AGBL4: variants seen among roughly 807,000 people sequenced by gnomAD.
AGBL4 encodes the protein cytosolic carboxypeptidase 6.
AGBL4 carries 58 observed loss-of-function variants against 66.4 expected under a neutral mutation model. That is an observed-to-expected ratio of 0.87 (90% confidence interval 0.71 to 1.09). The LOEUF is 1.09. AGBL4 is among the 50% of genes least tolerant of loss of function. The pLI is 0.00. For missense variants in AGBL4, 579 were observed against 631.0 expected (o/e 0.92, Z 0.88); for synonymous variants, 234 against 222.9 (o/e 1.05, Z -0.44).
At chr1:49,367,950 C>G (rs1352092855) in intron 3 of AGBL4, among the ~76,000 whole-genome samples, 1 of 152,102 alleles carries the variant, frequency 6.6e-6, no homozygotes, top group Non-Finnish European at 1.5e-5. Flanking sequence ...CATTGGCAAC[C>G]ACTAATCTGC....
At chr1:49,238,854 A>C (rs1328356781) in intron 4 of AGBL4, among the ~76,000 whole-genome samples, 1 of 152,092 alleles carries the variant, frequency 6.6e-6, no homozygotes, top group African/African-American at 2.4e-5. Context: ...TCCAATAACT[A>C]TTTTGGCATA....
Position 49,739,217 on chromosome 1 carries a change from G to A in AGBL4, c.158-41780C>T, listed in dbSNP as rs910204010. Among the ~76,000 whole-genome samples, 15 of 152,330 alleles carry A rather than the reference G, an allele frequency of 9.8e-5. 1 individual carries two copies. Among genetic ancestry groups the A allele is most frequent in the African/African-American group, 3.6e-4 (15 of 41,580 alleles). ...ATACAGAGAAGTCCTTAAAGGACCT[G>A]ATGGAGCTGAAAACCATGGCACGAG... is the stretch of plus-strand genomic sequence containing the variant. On this transcript the variant is annotated intron_variant, in intron 2 of 13. Coordinates refer to ENST00000371839, the MANE Select transcript of AGBL4 (RefSeq NM_032785.4).
intron 5 of AGBL4, among the ~76,000 whole-genome samples, chr1:48,963,674 C>T (rs961805287): frequency 1.3e-5 from 2 of 152,000 alleles, no homozygotes; most frequent in Admixed American, 6.6e-5. Context: ...TAAATGACCT[C>T]ACAGCATCCC....
intron 1 of AGBL4, among the ~76,000 whole-genome samples, chr1:49,878,466 A>G (rs373609592): frequency 2.0e-5 from 3 of 151,826 alleles, no homozygotes; most frequent in East Asian, 1.9e-4. Context: ...GTAGTTGAGC[A>G]GCTTTGAGTG....
At chr1:49,240,551 CTTTTTTT>C (rs34162300) in intron 4 of AGBL4, among the ~76,000 whole-genome samples, 4 of 123,716 alleles carry the variant, frequency 3.2e-5, no homozygotes, top group South Asian at 2.7e-4. Flanking sequence ...ACTGCATTTT[CTTTTTTT>C]TTTTTTTTTT....
intron 3 of AGBL4, among the ~76,000 whole-genome samples, chr1:49,478,140 G>C (rs1646882967): frequency 6.6e-6 from 1 of 151,882 alleles, no homozygotes; most frequent in Non-Finnish European, 1.5e-5. Flanking sequence ...AAAAGATAGA[G>C]TTACAAAGTT....
intron 3 of AGBL4, among the ~76,000 whole-genome samples, chr1:49,503,647 G>C (rs1648404388): frequency 6.6e-6 from 1 of 152,194 alleles, no homozygotes; most frequent in Admixed American, 6.5e-5. Flanking sequence ...CTGGATGTGA[G>C]ACATGGAGTC....
At chr1:48,962,237 T>A (rs1658061564) in intron 5 of AGBL4, among the ~76,000 whole-genome samples, 1 of 152,228 alleles carries the variant, frequency 6.6e-6, no homozygotes, top group Non-Finnish European at 1.5e-5. Flanking sequence ...TGTTGGCACA[T>A]TACTTCTTTT....
intron 2 of AGBL4, among the ~76,000 whole-genome samples, chr1:49,734,144 T>C (rs1299199074): frequency 6.6e-6 from 1 of 152,020 alleles, no homozygotes. Context: ...CCTCAAACTG[T>C]ATATGTGGGC....
At chr1:49,491,381 G>GA (rs1156936953) in intron 3 of AGBL4, among the ~76,000 whole-genome samples, 1 of 151,716 alleles carries the variant, frequency 6.6e-6, no homozygotes, top group Admixed American at 6.6e-5. Flanking sequence ...GTACTAGGGA[G>GA]AAAATAAGAG....
intron 3 of AGBL4, among the ~76,000 whole-genome samples, chr1:49,251,523 AC>A (rs1652058275): frequency 6.6e-6 from 1 of 152,210 alleles, no homozygotes; most frequent in Non-Finnish European, 1.5e-5. Context: ...CAGAGAAGGC[AC>A]CCAGACCTGT....
At chr1:49,873,475 G>C (rs981439163) in intron 1 of AGBL4, among the ~76,000 whole-genome samples, 1 of 151,956 alleles carries the variant, frequency 6.6e-6, no homozygotes, top group Non-Finnish European at 1.5e-5. Flanking sequence ...GCTGAAAACC[G>C]AGTCATGCAA....
intron 5 of AGBL4, among the ~76,000 whole-genome samples, chr1:48,888,702 T>G (rs1650614927): frequency 6.6e-6 from 1 of 152,308 alleles, no homozygotes; most frequent in Non-Finnish European, 1.5e-5. Context: ...CAGGGTCAGT[T>G]AGTTCTTTAT....
At chr1:48,642,384 G>A (rs1645771648) in intron 8 of AGBL4, among the ~76,000 whole-genome samples, 1 of 152,252 alleles carries the variant, frequency 6.6e-6, no homozygotes, top group South Asian at 2.1e-4. Context: ...AGGCTTTAGA[G>A]TGCCTTCTCC....
intron 3 of AGBL4, among the ~76,000 whole-genome samples, chr1:49,600,232 T>C (rs1395130707): frequency 6.6e-6 from 1 of 152,188 alleles, no homozygotes; most frequent in Non-Finnish European, 1.5e-5. Context: ...CCCACTATTA[T>C]TGTGTGGGTG....
At chr1:48,717,189 A>T (rs538814782) in intron 6 of AGBL4, among the ~76,000 whole-genome samples, 32 of 151,954 alleles carry the variant, frequency 2.1e-4, no homozygotes, top group African/African-American at 7.7e-4. Flanking sequence ...TTTTTGGTTT[A>T]TTTGTCTTAA....
intron 3 of AGBL4, among the ~76,000 whole-genome samples, chr1:49,347,387 G>C (rs1333863158): frequency 1.3e-5 from 2 of 151,550 alleles, no homozygotes; most frequent in African/African-American, 4.8e-5. Flanking sequence ...CAGTAGCTGG[G>C]ACTACAGGTG....
intron 1 of AGBL4, among the ~76,000 whole-genome samples, chr1:50,011,635 T>C (rs1034244279): frequency 6.6e-6 from 1 of 152,162 alleles, no homozygotes; most frequent in Non-Finnish European, 1.5e-5. Context: ...ACAACCAAAG[T>C]GTCCAACAAC....
chr1:49,459,700 C>G (rs543520777), intron 3 of AGBL4, among the ~76,000 whole-genome samples: 1 of 151,554 alleles, frequency 6.6e-6, no homozygotes, highest in South Asian at 2.1e-4. Flanking sequence ...CTTCTGCTGG[C>G]TTTGGGTTTG....
Sources: gnomAD v4.1 joint callset for allele counts (sites outside exome capture counted in the v4.1 genomes callset) on GRCh38, gnomAD v4.1.1 for gene constraint, MANE v1.5 for transcripts, NCBI Gene and HGNC (gene_info 2026-07-23, HGNC 2026-07-21) for gene names.